The following LDLRAP1 variants were observed in gnomAD, a reference collection of about 807,000 sequenced individuals.
LDLRAP1 encodes low density lipoprotein receptor adapter protein 1.
In LDLRAP1, 30 loss-of-function variants were observed where a neutral mutation model predicts 37.8. That is an observed-to-expected ratio of 0.79 (90% CI 0.59 to 1.08). The LOEUF is 1.08. Among genes scored for constraint, LDLRAP1 ranks in the 50% least tolerant of loss-of-function variants. The pLI, the probability that LDLRAP1 is intolerant of heterozygous loss-of-function variation, is 0.00. For synonymous variants in LDLRAP1, 156 were observed against 169.8 expected (o/e 0.92, Z 0.63); for missense variants, 375 against 401.6 (o/e 0.93, Z 0.57).
At chr1:25,580,178 T>C in the LDLRAP1 span, among the ~76,000 whole-genome samples, 2 of 152,148 alleles carry the variant, frequency 1.3e-5, no homozygotes, top group Non-Finnish European at 1.5e-5. Flanking sequence ...GGTAGGCTCC[T>C]GGTGGATGGA....
At chr1:25,569,537 C>T (rs947856749), downstream of LDLRAP1, among the ~76,000 whole-genome samples, 48 of 152,182 alleles carry the variant, frequency 3.2e-4, no homozygotes, top group African/African-American at 1.1e-3. Flanking sequence ...GCAATGACCT[C>T]CCCGCTTTTT....
the LDLRAP1 span, among the ~76,000 whole-genome samples, chr1:25,577,808 C>T: frequency 6.6e-6 from 1 of 152,210 alleles, no homozygotes; most frequent in Non-Finnish European, 1.5e-5. Flanking sequence ...TCATCTTCCC[C>T]ATCTGTAAAT....
the LDLRAP1 span, among the ~76,000 whole-genome samples, chr1:25,579,307 G>A: frequency 5.9e-5 from 9 of 152,164 alleles, no homozygotes; most frequent in Non-Finnish European, 1.2e-4. Context: ...CCACCTCCAC[G>A]TGCGCAGCTT....
chr1:25,582,153 A>G, the LDLRAP1 span, among the ~76,000 whole-genome samples: 1 of 152,152 alleles, frequency 6.6e-6, no homozygotes, highest in African/African-American at 2.4e-5. Flanking sequence ...TTGTCTCTCA[A>G]ATAAGGGAAG....
chr1:25,554,811 G>C lies in LDLRAP1; in HGVS notation c.232-49G>C. 1 of 1,428,416 alleles carries C rather than the reference G, an allele frequency of 7.0e-7. No individual in the cohort carries two copies. The highest frequency in any genetic ancestry group is 9.8e-7 in the Non-Finnish European group (1 of 1,017,420). The allele number at this position is 1,428,416 out of a possible 1,614,324, so 88.5% of individuals were successfully genotyped here. A position where few individuals can be genotyped will look rare whatever the true frequency, so the allele number is the denominator to read the frequency against. ...CAGTGAAGTGTAAGCCATGAGGGTG[G>C]GTCTCAAGTGAGGCTGGCAGACTCC... On this transcript the variant is annotated intron_variant, in intron 2 of 8. Transcript: ENST00000374338. This position sits in a 1 kb window ranked among gnomAD's most constrained non-coding sequence, Gnocchi z 5.4.
At chr1:25,560,586 G>A (rs1167722425) in intron 4 of LDLRAP1, among the ~76,000 whole-genome samples, 1 of 152,214 alleles carries the variant, frequency 6.6e-6, no homozygotes, top group Non-Finnish European at 1.5e-5. Context: ...GCAGCACGGG[G>A]CCAGGCTGCT....
chr1:25,584,011 G>A, the LDLRAP1 span, among the ~76,000 whole-genome samples: 1 of 152,102 alleles, frequency 6.6e-6, no homozygotes. Context: ...TCCAGCACAG[G>A]GGCTGAGAGA....
Position 25,562,980 on chromosome 1 carries a change from T to C in LDLRAP1, c.533-90T>C, listed in dbSNP as rs1038554509. On this transcript the variant is annotated intron_variant, in intron 5 of 8. Coordinates refer to ENST00000374338, the MANE Select transcript of LDLRAP1 (RefSeq NM_015627.3). ...GGAAACCTGAAACTGCCCCTTGAGG[T>C]TGGCCACCGCTAATCACCCCTGCCC... 87 of 1,261,702 alleles carry C rather than the reference T, an allele frequency of 6.9e-5. 1 individual carries two copies. The Admixed American group carries it at 1.1e-3, about 17-fold the overall frequency. 78.2% of individuals were successfully genotyped at this position (1,261,702 alleles called of 1,614,324 possible). A position where few individuals can be genotyped will look rare whatever the true frequency, so the allele number is the denominator to read the frequency against.
the LDLRAP1 span, among the ~76,000 whole-genome samples, chr1:25,588,894 T>A: frequency 1.3e-5 from 2 of 152,154 alleles, no homozygotes; most frequent in Admixed American, 1.3e-4. Context: ...ATGGAGCGCC[T>A]TGAGAGTGCC....
At chr1:25,582,296 GGT>G in the LDLRAP1 span, among the ~76,000 whole-genome samples, 1 of 152,288 alleles carries the variant, frequency 6.6e-6, no homozygotes, top group East Asian at 1.9e-4. Context: ...AAAAAATTAT[GGT>G]AGAATGGTCT....
At chr1:25,548,291 T>G (rs990201241) in intron 1 of LDLRAP1, among the ~76,000 whole-genome samples, 1 of 150,490 alleles carries the variant, frequency 6.6e-6, no homozygotes, top group Non-Finnish European at 1.5e-5. Context: ...TCACCTCGGG[T>G]GTGAACTCAG....
In LDLRAP1 at chr1:25,551,906, ACAGT is replaced by A. The variant is rs760393193; in HGVS notation, c.89-2011_89-2008del. On this transcript the variant is annotated intron_variant, in intron 1 of 8. Coordinates refer to ENST00000374338, the MANE Select transcript of LDLRAP1 (RefSeq NM_015627.3). The stretch of plus-strand genomic sequence containing the variant: ...CTACCTGCATGCCAGGTTCTAGATG[ACAGT>A]CAGTAAGTCCCTGCTCACCTGATCT... Among the ~76,000 whole-genome samples, 40 of 152,204 alleles carry A rather than the reference ACAGT, an allele frequency of 2.6e-4. 1 individual carries two copies. The highest frequency in any genetic ancestry group is 6.0e-4 in the African/African-American group (25 of 41,534).
At chr1:25,556,469 G>C (rs74060928) in intron 3 of LDLRAP1, among the ~76,000 whole-genome samples, 7,372 of 152,252 alleles carry the variant, frequency 0.048, 598 homozygotes, top group African/African-American at 0.17. Flanking sequence ...CCTACTCCCA[G>C]CTCTTCACCC....
At chr1:25,584,727 G>A in the LDLRAP1 span, among the ~76,000 whole-genome samples, 10 of 152,200 alleles carry the variant, frequency 6.6e-5, 1 homozygote, top group African/African-American at 2.4e-4. Context: ...GGGATGGGAG[G>A]GCCAGTCTTG....
At chr1:25,566,500 T>G (rs983870673) in intron 8 of LDLRAP1, among the ~76,000 whole-genome samples, 8 of 152,182 alleles carry the variant, frequency 5.3e-5, no homozygotes, top group African/African-American at 1.9e-4. Flanking sequence ...CAAAGAATCT[T>G]CCGTGTTCCC....
rs918657513 is a variant in LDLRAP1 at position 25,552,771 on chromosome 1, G to C, written c.89-1151G>C. ...TTGCCTCCACGGGGCCCTCACCTAC[G>C]TGGTGGGGCGCTCTTTCCACGTGTC... On this transcript the variant is annotated intron_variant, in intron 1 of 8. Transcript: ENST00000374338. 3.1e-4 allele frequency among the ~76,000 whole-genome samples: 47 copies of C among 152,184 alleles called. 1 individual carries two copies. Among genetic ancestry groups the C allele is most frequent in the Admixed American group, 2.8e-3 (43 of 15,286 alleles).
At chr1:25,586,492 G>GTGTGTGTGTGCATGCACA in the LDLRAP1 span, among the ~76,000 whole-genome samples, 1 of 151,098 alleles carries the variant, frequency 6.6e-6, no homozygotes, top group African/African-American at 2.4e-5. The surrounding 1 kb of genome is among the most constrained non-coding windows in gnomAD (Gnocchi z 4.3). Flanking sequence ...GCGTGTGCGT[G>GTGTGTGTGTGCATGCACA]TGTGTGTGTG....
rs543396377 is a variant in LDLRAP1, at chr1:25,565,499, A to G, written c.782+292A>G. Reference sequence around the variant, plus strand: ...GGTGAGCGAAACACACTGCAGCTCAAGTTGATTTCCTCCGACTTGAGGAGG... The same window carrying G: ...GGTGAGCGAAACACACTGCAGCTCAGGTTGATTTCCTCCGACTTGAGGAGG... On this transcript the variant is annotated intron_variant, in intron 8 of 8. Coordinates refer to ENST00000374338, the MANE Select transcript of LDLRAP1 (RefSeq NM_015627.3). 7.9e-5 allele frequency among the ~76,000 whole-genome samples: 12 copies of G among 151,700 alleles called. No individual in the cohort carries two copies. The East Asian group carries it at 2.3e-3, about 29-fold the overall frequency.
chr1:25,578,351 C>T, the LDLRAP1 span, among the ~76,000 whole-genome samples: 1 of 152,288 alleles, frequency 6.6e-6, no homozygotes, highest in East Asian at 1.9e-4. Context: ...GCATTTGAGC[C>T]CACTGCTGAT....
Sources: gnomAD v4.1 joint callset for allele counts (sites outside exome capture counted in the v4.1 genomes callset) on GRCh38, gnomAD v4.1.1 for gene constraint, Gnocchi (gnomAD v3.1) non-coding constraint, MANE v1.5 for transcripts, NCBI Gene and HGNC (gene_info 2026-07-23, HGNC 2026-07-21) for gene names.